The following MAGI2 variants were observed in gnomAD, a reference collection of about 807,000 sequenced individuals.
MAGI2 encodes membrane associated guanylate kinase, WW and PDZ domain containing 2, also known as membrane-associated guanylate kinase, WW and PDZ domain-containing protein 2.
MAGI2 carries 35 observed loss-of-function variants against 133.3 expected under a neutral mutation model. The ratio of observed to expected loss-of-function variants is 0.26; its 90% CI spans 0.20 to 0.35. The LOEUF (loss-of-function observed/expected upper bound fraction) is 0.35, where lower values mean the gene tolerates loss of function less well. Ranked by LOEUF, MAGI2 falls within the 10% of genes least tolerant of loss-of-function variation. MAGI2 has a pLI of 1.00. For synonymous variants in MAGI2, 729 were observed against 710.6 expected (o/e 1.03, Z -0.41); for missense variants, 1,636 against 1,863.4 (o/e 0.88, Z 2.25).
chr7:78,740,058 G>A (rs1822256493), intron 2 of MAGI2, among the ~76,000 whole-genome samples: 2 of 152,062 alleles, frequency 1.3e-5, no homozygotes. Context: ...CTACTCGGGA[G>A]GCTGAGGCAG....
chr7:78,931,298 A>C (rs755356992), intron 2 of MAGI2, among the ~76,000 whole-genome samples: 1 of 152,050 alleles, frequency 6.6e-6, no homozygotes, highest in Non-Finnish European at 1.5e-5. Context: ...TGTGTTTAAG[A>C]TATGTAGTCG....
chr7:78,686,750 G>A (rs755245834), intron 2 of MAGI2, among the ~76,000 whole-genome samples: 3 of 152,078 alleles, frequency 2.0e-5, no homozygotes, highest in Non-Finnish European at 4.4e-5. Flanking sequence ...CCTACGGGAG[G>A]ACTATAATAA....
intron 4 of MAGI2, among the ~76,000 whole-genome samples, chr7:78,504,524 G>C (rs991959554): frequency 6.6e-6 from 1 of 152,156 alleles, no homozygotes; most frequent in East Asian, 1.9e-4. Flanking sequence ...GAGCACTACT[G>C]AGATTCAGAG....
chr7:79,374,634 T>C (rs1049846543), intron 1 of MAGI2, among the ~76,000 whole-genome samples: 8 of 152,012 alleles, frequency 5.3e-5, no homozygotes, highest in African/African-American at 1.9e-4. Flanking sequence ...TGTAATATAA[T>C]GGCAACTTAT....
chr7:78,704,782 T>TTTTTTTTTTTCC (rs1554535273), intron 2 of MAGI2, among the ~76,000 whole-genome samples: 15 of 143,436 alleles, frequency 1.0e-4, no homozygotes, highest in African/African-American at 4.0e-4. Context: ...ATTATTCTTT[T>TTTTTTTTTTTCC]TTTTTTTTTT....
chr7:78,024,358 C>G (rs553940544), intron 21 of MAGI2, among the ~76,000 whole-genome samples: 1 of 152,320 alleles, frequency 6.6e-6, no homozygotes, highest in South Asian at 2.1e-4. Context: ...CAGCTGTACA[C>G]TGGTATATCC....
intron 2 of MAGI2, among the ~76,000 whole-genome samples, chr7:78,809,425 T>A (rs1472366503): frequency 6.6e-6 from 1 of 152,174 alleles, no homozygotes; most frequent in African/African-American, 2.4e-5. Context: ...GGACAGAGGA[T>A]CTGGAAAGAG....
At position 78,860,984 on chromosome 7, in the gene MAGI2, G is replaced by A. The variant is rs569153200; in HGVS notation, c.418+146106C>T. ...AAGCCTCGCTGCCAAGTTGCAGTTC[G>A]ATCTCAGACTGCTGTGCTTGCAGTG... On this transcript the variant is annotated intron_variant, in intron 2 of 21. Transcript: ENST00000354212. 1.4e-3 allele frequency among the ~76,000 whole-genome samples: 215 copies of A among 152,270 alleles called. 3 individuals are homozygous for A. Among genetic ancestry groups the A allele is most frequent in the African/African-American group, 5.0e-3 (206 of 41,560 alleles).
chr7:78,910,960 T>A (rs1057049250), intron 2 of MAGI2, among the ~76,000 whole-genome samples: 1 of 152,246 alleles, frequency 6.6e-6, no homozygotes, highest in Non-Finnish European at 1.5e-5. Flanking sequence ...CTCAAAGAAC[T>A]GAGGAATTCT....
intron 21 of MAGI2, among the ~76,000 whole-genome samples, chr7:78,049,107 C>CAA (rs34719237): frequency 1.5e-5 from 2 of 136,626 alleles, no homozygotes; most frequent in African/African-American, 2.9e-5. Context: ...GACTCCACCT[C>CAA]AAAAAAAAAA....
chr7:78,727,386 G>A (rs185732236), intron 2 of MAGI2, among the ~76,000 whole-genome samples: 13 of 152,276 alleles, frequency 8.5e-5, no homozygotes, highest in African/African-American at 3.1e-4. Flanking sequence ...CTTGATAGCA[G>A]ACTTTACTAC....
intron 9 of MAGI2, among the ~76,000 whole-genome samples, chr7:78,309,662 A>G (rs1206058724): frequency 4.6e-5 from 7 of 152,124 alleles, no homozygotes; most frequent in Non-Finnish European, 7.4e-5. Flanking sequence ...GTATCCCCTG[A>G]AACTAAAATA....
At position 79,168,885 on chromosome 7, in the gene MAGI2, GATAGATATATAT is replaced by G. The variant is rs1434921678; in HGVS notation, c.302-161691_302-161680del. The stretch of plus-strand genomic sequence containing the variant: ...TGTCTGCCAGGTTTTTCTTTCTAAA[GATAGATATATAT>G]ATATATATATATATATATATATATA... On this transcript the variant is annotated intron_variant, in intron 1 of 21. Transcript: ENST00000354212. Among the ~76,000 whole-genome samples, 91 of 138,840 alleles carry G rather than the reference GATAGATATATAT, an allele frequency of 6.6e-4. 1 individual carries two copies. The highest frequency in any genetic ancestry group is 2.6e-3 in the African/African-American group (88 of 34,456). The allele number at this position is 138,840 out of a possible 152,430, so 91.1% of individuals were successfully genotyped here. A position where few individuals can be genotyped will look rare whatever the true frequency, so the allele number is the denominator to read the frequency against.
chr7:78,135,448 T>G (rs529001940), intron 16 of MAGI2, among the ~76,000 whole-genome samples: 1 of 152,248 alleles, frequency 6.6e-6, no homozygotes, highest in East Asian at 1.9e-4. Context: ...GTTCTCAAAC[T>G]TTGGGGTGAT....
chr7:79,050,793 T>C (rs539927072), intron 1 of MAGI2, among the ~76,000 whole-genome samples: 1 of 152,326 alleles, frequency 6.6e-6, no homozygotes, highest in South Asian at 2.1e-4. Flanking sequence ...AAGCCAACTT[T>C]CTTGTGTGCC....
chr7:78,486,935 T>C (rs1228320162), intron 6 of MAGI2: 1 of 524,090 alleles, frequency 1.9e-6, no homozygotes, highest in East Asian at 5.5e-5. Context: ...AACTAGCTCA[T>C]TTCATGGCTC....
At chr7:79,337,470 A>C (rs1370960211) in intron 1 of MAGI2, among the ~76,000 whole-genome samples, 3 of 152,216 alleles carry the variant, frequency 2.0e-5, no homozygotes, top group Non-Finnish European at 4.4e-5. Flanking sequence ...AAAATTGCAA[A>C]GAGAAAGATC....
At chr7:78,079,205 C>T in intron 20 of MAGI2, 120 bp from the exon 21 acceptor site, 1 of 930,812 alleles carries the variant, frequency 1.1e-6, no homozygotes, top group South Asian at 1.5e-5. Context: ...TTGGTGGCAG[C>T]CTGCTGCTTT....
In MAGI2 at chr7:78,194,876, C is replaced by T. The variant is rs894431341; in HGVS notation, c.2267G>A (p.Arg756Lys). The T allele has an allele frequency of 4.4e-6, 7 of 1,600,026 alleles. No individual in the cohort carries two copies. Among genetic ancestry groups the T allele is most frequent in the Non-Finnish European group, 6.0e-6 (7 of 1,174,554 alleles). ...TGTTTCATGTGGCTTTCACTTACGCCTACTTTCATAAATGGCCCTAGATTT... is the reference window on the plus strand; with the variant it reads ...TGTTTCATGTGGCTTTCACTTACGCTTACTTTCATAAATGGCCCTAGATTT... ...YEKSRAIYES[R>K]QQVPPRTSFR... The change falls in exon 12 of 22, where the codon AGG (arginine) becomes AAG (lysine). Residue 756 changes from arginine to lysine, a missense_variant and splice_region_variant. Physicochemically the swap from Arg to Lys is conservative, Grantham distance 26 (BLOSUM62 2). Transcript: ENST00000354212.
Sources: allele counts gnomAD v4.1 joint callset (sites outside exome capture counted in the v4.1 genomes callset), GRCh38; gene constraint gnomAD v4.1.1; transcripts MANE v1.5; gene names NCBI Gene and HGNC (gene_info 2026-07-23, HGNC 2026-07-21).